Variants in BANP observed in about 807,000 individuals in gnomAD.
BANP encodes the protein protein BANP.
A neutral mutation model predicts 68.1 loss-of-function variants in BANP; 11 were observed. That is an observed-to-expected ratio of 0.16 (90% CI 0.10 to 0.27). The LOEUF is 0.27. Ranked by LOEUF, BANP falls within the 10% of genes least tolerant of loss-of-function variation. The pLI is 1.00. For missense variants in BANP, 504 were observed against 722.7 expected, an observed-to-expected ratio of 0.70 and a Z score of 3.47; for synonymous variants, 329 against 303.2, an observed-to-expected ratio of 1.09 and a Z score of -0.88.
chr16:88,068,493 G>C (rs945338858), intron 12 of BANP, among the ~76,000 whole-genome samples: 5 of 152,200 alleles, frequency 3.3e-5, no homozygotes, highest in African/African-American at 7.2e-5. Flanking sequence ...GACACCTCTG[G>C]GACAGCCCCT....
Position 88,018,651 on chromosome 16 carries a change from C to A in BANP, c.879C>A (p.Thr293=). 1 of 1,562,906 alleles carries A rather than the reference C, an allele frequency of 6.4e-7. No individual in the cohort carries two copies. The highest frequency in any genetic ancestry group is 8.7e-7 in the Non-Finnish European group (1 of 1,153,698). Residue 293 remains threonine (T), a synonymous_variant, in exon 7 of 14, where the codon ACC becomes ACA. Transcript: ENST00000682872. This position sits in a 1 kb window ranked among gnomAD's most constrained non-coding sequence, Gnocchi z 7.7. ...GGAAGAAGCAGCTGGACCCGCTCAC[C>A]ATCTACGGCATCCGGTGTAAGTCGG... ...KHGKKQLDPL[T]IYGIRCHLFY...
At chr16:88,023,081 C>T (rs1460712646) in intron 7 of BANP, among the ~76,000 whole-genome samples, 5 of 152,176 alleles carry the variant, frequency 3.3e-5, no homozygotes, top group Non-Finnish European at 4.4e-5. Context: ...TATATGTGTC[C>T]TTAAGGCAGA....
intron 1 of BANP, among the ~76,000 whole-genome samples, chr16:87,965,656 TG>T (rs1311048780): frequency 6.6e-5 from 10 of 152,136 alleles, no homozygotes; most frequent in Admixed American, 2.0e-4. Flanking sequence ...CAGGCGCACC[TG>T]AGGTTGATTG....
chr16:88,053,337 C>G (rs1343749000), intron 11 of BANP, among the ~76,000 whole-genome samples: 4 of 151,684 alleles, frequency 2.6e-5, no homozygotes, highest in African/African-American at 9.7e-5. Flanking sequence ...TCTCCATCAT[C>G]ATCACCAACA....
At chr16:87,969,680 G>A (rs1268791165) in intron 1 of BANP, among the ~76,000 whole-genome samples, 3 of 151,696 alleles carry the variant, frequency 2.0e-5, no homozygotes, top group Non-Finnish European at 4.4e-5. Context: ...TTACAGGCAC[G>A]CGCCGCCATC....
Position 88,036,571 on chromosome 16 carries a change from C to T in BANP, c.1272+1177C>T, listed in dbSNP as rs1056204406. On this transcript the variant is annotated intron_variant, in intron 10 of 13. Transcript: ENST00000682872. This position sits in a 1 kb window ranked among gnomAD's most constrained non-coding sequence, Gnocchi z 4.2. ...GGCTTTAATTTGGACACCAGCAGTT[C>T]CCGGTGGGTTATCCTGAGAGGGGAG... Among the ~76,000 whole-genome samples the T allele has an allele frequency of 2.0e-5, 3 of 152,104 alleles. No homozygotes were observed. The highest frequency in any genetic ancestry group is 6.5e-5 in the Admixed American group (1 of 15,272).
intron 12 of BANP, among the ~76,000 whole-genome samples, chr16:88,068,409 TTTTCAAGGCC>T (rs1157665095): frequency 6.6e-6 from 1 of 151,292 alleles, no homozygotes; most frequent in Non-Finnish European, 1.5e-5. Context: ...TGTTCAGGAG[TTTTCAAGGCC>T]TCGGCCTGGT....
At chr16:88,075,059 G>C (rs2091289217) in intron 13 of BANP, among the ~76,000 whole-genome samples, 2 of 152,100 alleles carry the variant, frequency 1.3e-5, no homozygotes, top group Non-Finnish European at 2.9e-5. Context: ...AAAAAAATTA[G>C]CTGGGGCCGG....
chr16:88,010,646 C>T (rs2072795050), intron 6 of BANP, among the ~76,000 whole-genome samples: 1 of 152,272 alleles, frequency 6.6e-6, no homozygotes, highest in South Asian at 2.1e-4. Flanking sequence ...ACCTCACAGT[C>T]CACACAATGT....
At chr16:88,040,284 C>T (rs1466413228) in intron 11 of BANP, among the ~76,000 whole-genome samples, 2 of 150,708 alleles carry the variant, frequency 1.3e-5, no homozygotes, top group Admixed American at 1.3e-4. Context: ...ATCATTTGGC[C>T]AGTTCTCATT....
intron 10 of BANP, among the ~76,000 whole-genome samples, chr16:88,035,634 TG>T (rs1392051229): frequency 2.0e-5 from 3 of 152,234 alleles, no homozygotes; most frequent in Non-Finnish European, 2.9e-5. Flanking sequence ...AAAGATCTCC[TG>T]GGTAGATGTT....
chr16:87,956,913 C>T (rs1488625352), intron 1 of BANP: 1 of 152,170 alleles, frequency 6.6e-6, no homozygotes, highest in African/African-American at 2.4e-5. Context: ...TCAGGGGTGC[C>T]GTAAGTCTCA....
intron 1 of BANP, among the ~76,000 whole-genome samples, chr16:87,965,102 C>A (rs548847096): frequency 1.3e-5 from 2 of 152,218 alleles, no homozygotes; most frequent in South Asian, 4.1e-4. Context: ...GTTCCAGGGC[C>A]GTGCCCTGGG....
chr16:87,974,800 T>C (rs1406194314), intron 1 of BANP, among the ~76,000 whole-genome samples: 1 of 151,978 alleles, frequency 6.6e-6, no homozygotes, highest in Non-Finnish European at 1.5e-5. Context: ...AGGAACACAG[T>C]GGAAACGGAG....
intron 1 of BANP, chr16:87,952,072 G>A (rs1414814289): frequency 6.6e-6 from 1 of 152,214 alleles, no homozygotes; most frequent in Non-Finnish European, 1.5e-5. Context: ...CCCGTCCCCC[G>A]AGGGGCCCCG....
intron 1 of BANP, among the ~76,000 whole-genome samples, chr16:87,954,950 C>T (rs1038201083): frequency 2.6e-5 from 4 of 152,384 alleles, no homozygotes; most frequent in African/African-American, 9.6e-5. Context: ...AGGTGCCAAG[C>T]CGCCGTTCCA....
chr16:87,999,912 G>A (rs1485298895), intron 4 of BANP, among the ~76,000 whole-genome samples: 4 of 94,700 alleles, frequency 4.2e-5, no homozygotes, highest in Admixed American at 1.1e-4. Flanking sequence ...ACCCAGACAC[G>A]TCTCCATGCA....
At position 88,038,010 on chromosome 16, in the gene BANP, A is replaced by G. The variant is rs771156378; in HGVS notation, c.1310A>G (p.Gln437Arg). 11 of 1,588,012 alleles carry G rather than the reference A, an allele frequency of 6.9e-6. No individual in the cohort carries two copies. The highest frequency in any genetic ancestry group is 9.5e-6 in the Non-Finnish European group (11 of 1,162,782). ...ATCCATCACGTGGGGCAGGACGGTC[A>G]GGTGAGTGTCCCAGTCCCCATGCAC... is the stretch of plus-strand genomic sequence containing the variant. ...LQIHHVGQDG[Q>R]LLEATRIPCL... The change falls in exon 11 of 14, where the codon CAG (glutamine) becomes CGG (arginine). Residue 437 changes from glutamine to arginine, a missense_variant and splice_region_variant. Transcript: ENST00000682872.
chr16:88,018,317 A>G lies in BANP; in HGVS notation c.656-111A>G. On this transcript the variant is annotated intron_variant, in intron 6 of 13. Transcript: ENST00000682872. The surrounding 1 kb of genome is among the most constrained non-coding windows in gnomAD (Gnocchi z 7.7). ...CTCACAAGTTACGAGGGATTTGCCC[A>G]GCCCTGCGTGGAGCATCTTTCCCGA... 7.3e-7 allele frequency: 1 copy of G among 1,367,584 alleles called. No individual in the cohort carries two copies. Among genetic ancestry groups the G allele is most frequent in the Non-Finnish European group, 1.0e-6 (1 of 1,004,016 alleles). 84.7% of individuals were successfully genotyped at this position (1,367,584 alleles called of 1,614,324 possible). A position where few individuals can be genotyped will look rare whatever the true frequency, so the allele number is the denominator to read the frequency against.
Sources: allele counts gnomAD v4.1 joint callset (sites outside exome capture counted in the v4.1 genomes callset), GRCh38; gene constraint gnomAD v4.1.1; non-coding constraint Gnocchi (gnomAD v3.1); transcripts MANE v1.5; gene names NCBI Gene and HGNC (gene_info 2026-07-23, HGNC 2026-07-21).